The following LMBRD2 variants were observed in gnomAD, a reference collection of about 807,000 sequenced individuals.
LMBRD2 encodes the protein LMBR1 domain containing 2, also known as G protein-coupled receptor-associated protein LMBRD2.
A neutral mutation model predicts 94.4 loss-of-function variants in LMBRD2; 55 were observed. The observed-to-expected ratio is 0.58, with a 90% CI of 0.47 to 0.73. LMBRD2 has a LOEUF of 0.73. LMBRD2 is among the 30% of genes least tolerant of loss of function. The pLI, the probability that LMBRD2 is intolerant of heterozygous loss-of-function variation, is 0.00. For synonymous variants in LMBRD2, 246 were observed against 272.4 expected (o/e 0.90, Z 0.95); for missense variants, 640 against 831.9 (o/e 0.77, Z 2.84).
chr5:36,109,862 C>T, intron 15 of LMBRD2, 83 bp downstream of exon 15: 1 of 1,002,940 alleles, frequency 1.0e-6, no homozygotes, highest in Non-Finnish European at 1.5e-6. Context: ...CTGTCTTTAG[C>T]TAATTATTCC....
chr5:36,122,016 G>A (rs1433148757), intron 9 of LMBRD2, among the ~76,000 whole-genome samples: 2 of 152,040 alleles, frequency 1.3e-5, no homozygotes, highest in Non-Finnish European at 2.9e-5. Context: ...TATATATTAT[G>A]CATTATAAAA....
At chr5:36,137,544 C>T (rs1744301037) in intron 4 of LMBRD2, 103 bp from the exon 5 acceptor site, 2 of 616,510 alleles carry the variant, frequency 3.2e-6, no homozygotes, top group Admixed American at 2.9e-5. Context: ...ATGAATAGGT[C>T]TTCTCATTAA....
At chr5:36,146,513 G>A (rs1046437915) in intron 1 of LMBRD2, among the ~76,000 whole-genome samples, 3 of 152,020 alleles carry the variant, frequency 2.0e-5, no homozygotes, top group Non-Finnish European at 4.4e-5. Flanking sequence ...AGGACTATAG[G>A]TGCACACCAC....
intron 4 of LMBRD2, among the ~76,000 whole-genome samples, chr5:36,138,250 T>C (rs553531723): frequency 1.4e-4 from 22 of 152,276 alleles, no homozygotes; most frequent in Non-Finnish European, 2.9e-4. Flanking sequence ...AGCAGAGTAC[T>C]ATGGTTAAGA....
intron 7 of LMBRD2, 61 bp downstream of exon 7, chr5:36,124,130 T>G: frequency 1.1e-6 from 1 of 949,226 alleles, no homozygotes; most frequent in East Asian, 2.7e-5. Flanking sequence ...TTCTGGTACT[T>G]TTGGTATAAT....
At chr5:36,120,996 C>T (rs1382765780) in intron 9 of LMBRD2, among the ~76,000 whole-genome samples, 1 of 146,770 alleles carries the variant, frequency 6.8e-6, no homozygotes, top group Non-Finnish European at 1.5e-5. Flanking sequence ...ATCTCAATTA[C>T]TTCTTTATTG....
At chr5:36,109,462 A>T (rs926640091) in intron 15 of LMBRD2, among the ~76,000 whole-genome samples, 3 of 152,078 alleles carry the variant, frequency 2.0e-5, no homozygotes, top group Non-Finnish European at 4.4e-5. Flanking sequence ...CCCATTTGTT[A>T]AAAAAATGTG....
intron 6 of LMBRD2, among the ~76,000 whole-genome samples, chr5:36,130,768 C>G (rs926171591): frequency 6.6e-6 from 1 of 152,080 alleles, no homozygotes; most frequent in African/African-American, 2.4e-5. Context: ...TAGACACATA[C>G]AACCTACCAA....
chr5:36,126,714 A>G (rs138854035), intron 6 of LMBRD2, among the ~76,000 whole-genome samples: 4 of 152,264 alleles, frequency 2.6e-5, no homozygotes, highest in African/African-American at 9.6e-5. Context: ...ACAAATGCAT[A>G]TATCAATTTC....
At chr5:36,104,977 C>T in intron 17 of LMBRD2, 91 bp downstream of exon 17, 1 of 1,238,252 alleles carries the variant, frequency 8.1e-7, no homozygotes, top group Non-Finnish European at 1.1e-6. Flanking sequence ...TTACTTTCAC[C>T]TTTACTTACT....
At chr5:36,132,234 AGGAAAACT>A (rs749708648) in intron 6 of LMBRD2, among the ~76,000 whole-genome samples, 31 of 152,074 alleles carry the variant, frequency 2.0e-4, no homozygotes, top group Admixed American at 2.0e-4. Context: ...AAATGGTGCC[AGGAAAACT>A]GGAAAACTGG....
chr5:36,109,804 TC>T (rs1345299906), intron 15 of LMBRD2, 140 bp downstream of exon 15: 2 of 637,438 alleles, frequency 3.1e-6, no homozygotes, highest in African/African-American at 3.7e-5. Context: ...GTATTAAAAT[TC>T]CCTTTCTTTA....
In LMBRD2 at chr5:36,143,366, C is replaced by G; in HGVS notation, c.-17G>C. 8 of 1,605,104 alleles carry G rather than the reference C, an allele frequency of 5.0e-6. No homozygotes were observed. The highest frequency in any genetic ancestry group is 6.8e-6 in the Non-Finnish European group (8 of 1,174,596). On this transcript the variant is annotated 5_prime_UTR_variant, in exon 2 of 18. Transcript: ENST00000296603. ...ACCACTCATTATTGAATATTTCACT[C>G]TGACTAACCAAAGTTATTCATGTAC...
intron 9 of LMBRD2, among the ~76,000 whole-genome samples, chr5:36,119,151 A>C (rs1743829168): frequency 6.6e-6 from 1 of 152,170 alleles, no homozygotes; most frequent in Non-Finnish European, 1.5e-5. Context: ...TAGTGATTTC[A>C]ATATCCACAT....
intron 9 of LMBRD2, among the ~76,000 whole-genome samples, chr5:36,119,999 C>CTT (rs997322925): frequency 5.6e-5 from 8 of 142,668 alleles, no homozygotes; most frequent in South Asian, 2.1e-4. Flanking sequence ...TCTTTTCTTT[C>CTT]TCTTTCTTTC....
In LMBRD2 at chr5:36,120,229, C is replaced by T. The variant is rs543249831; in HGVS notation, c.1120+2051G>A. Among the ~76,000 whole-genome samples, 6 of 151,100 alleles carry T rather than the reference C, an allele frequency of 4.0e-5. No homozygotes were observed. In the East Asian group the frequency reaches 9.8e-4, roughly 25 times the overall value. ...AGGCTGGAGTGCAGTGGCGCAATCT[C>T]GGCTCACTGCAACCTCCACCTCCTG... On this transcript the variant is annotated intron_variant, in intron 9 of 17. Transcript: ENST00000296603.
intron 4 of LMBRD2, among the ~76,000 whole-genome samples, chr5:36,138,989 A>G (rs1464440411): frequency 1.3e-5 from 2 of 152,072 alleles, no homozygotes; most frequent in Non-Finnish European, 2.9e-5. Flanking sequence ...TGTGCACTCC[A>G]TGGAGCTAGC....
rs1278466725 is a variant in LMBRD2, at chr5:36,122,413, A to T, written c.987T>A (p.Ile329=). The part of the protein sequence containing the change: ...RHRRTQVQWQ[I]LLEQAFYLED... ...CTAGATAAAATGCTTGTTCCAAAAGAATCTGCCATTGTACTTGAGTTCGAC... is the reference window on the plus strand; with the variant it reads ...CTAGATAAAATGCTTGTTCCAAAAGTATCTGCCATTGTACTTGAGTTCGAC... Residue 329 remains isoleucine, a synonymous_variant, in exon 9 of 18, where the codon ATT becomes ATA. Transcript: ENST00000296603. 5 of 1,613,710 alleles carry T rather than the reference A, an allele frequency of 3.1e-6. No homozygotes were observed. The Admixed American group carries it at 8.3e-5, about 27-fold the overall frequency.
Position 36,111,242 on chromosome 5 carries a change from A to G in LMBRD2, c.1657T>C (p.Leu553=). 6.2e-7 allele frequency: 1 copy of G among 1,611,028 alleles called. No individual in the cohort carries two copies. Among genetic ancestry groups the G allele is most frequent in the Non-Finnish European group, 8.5e-7 (1 of 1,177,932 alleles). The change falls in exon 14 of 18, where the codon TTG becomes CTG. Residue 553 remains leucine (L), a synonymous_variant. Coordinates refer to ENST00000296603, the MANE Select transcript of LMBRD2 (RefSeq NM_001007527.2). ...ATYFSLGTRC[L]NLLGFQQFMG... ...AACTGCTGGAAACCGAGCAGATTCA[A>G]ACAACGGGTTCCCAAACTAATAAAA...
Sources: allele counts gnomAD v4.1 joint callset (sites outside exome capture counted in the v4.1 genomes callset), GRCh38; gene constraint gnomAD v4.1.1; transcripts MANE v1.5; gene names NCBI Gene and HGNC (gene_info 2026-07-23, HGNC 2026-07-21).